CCDC124: variants seen among roughly 807,000 people sequenced by gnomAD.
The protein encoded by CCDC124 is coiled-coil domain-containing protein 124.
CCDC124 carries 9 observed loss-of-function variants against 19.8 expected under a neutral mutation model. The observed-to-expected ratio is 0.45, with a 90% CI of 0.27 to 0.79. The LOEUF (loss-of-function observed/expected upper bound fraction) is 0.79. Ranked by LOEUF, CCDC124 falls within the 30% of genes least tolerant of loss-of-function variation. The pLI is 0.14. For synonymous variants in CCDC124, 126 were observed against 131.3 expected, an observed-to-expected ratio of 0.96 and a Z score of 0.27; for missense variants, 285 against 319.0, an observed-to-expected ratio of 0.89 and a Z score of 0.81.
At chr19:17,940,913 G>A (rs989830829) in intron 2 of CCDC124, among the ~76,000 whole-genome samples, 2 of 151,956 alleles carry the variant, frequency 1.3e-5, no homozygotes, top group Admixed American at 6.6e-5. Context: ...CGGGCATGGT[G>A]GCAGGCACCT....
intron 1 of CCDC124, among the ~76,000 whole-genome samples, 193 bp downstream of exon 1, chr19:17,933,241 C>G (rs569962679): frequency 3.3e-5 from 5 of 152,150 alleles, no homozygotes; most frequent in Non-Finnish European, 5.9e-5. Flanking sequence ...GATTGAAGCC[C>G]GACGCGACAG....
In CCDC124 at chr19:17,942,567, G is replaced by T; in HGVS notation, c.160-89G>T. 1 of 1,420,436 alleles carries T rather than the reference G, an allele frequency of 7.0e-7. No homozygotes were observed. Among genetic ancestry groups the T allele is most frequent in the Non-Finnish European group, 9.6e-7 (1 of 1,043,138 alleles). The allele number at this position is 1,420,436 out of a possible 1,614,324, so 88.0% of individuals were successfully genotyped here. On this transcript the variant is annotated intron_variant, in intron 2 of 4. Transcript: ENST00000445755. The surrounding 1 kb of genome is among the most constrained non-coding windows in gnomAD (Gnocchi z 4.2). The stretch of plus-strand genomic sequence containing the variant: ...CACCCAGCACAGAGCCTAAATCCTC[G>T]TTGGCTGAGATGAAAACTCGAACCC...
Position 17,943,241 on chromosome 19 carries a change from T to TCTGCC in CCDC124, c.350-19_350-18insTGCCC. 2 of 736,666 alleles carry TCTGCC rather than the reference T, an allele frequency of 2.7e-6. No individual in the cohort carries two copies. The highest frequency in any genetic ancestry group is 4.8e-6 in the Non-Finnish European group (2 of 414,966). The allele number at this position is 736,666 out of a possible 1,614,324, so 45.6% of individuals were successfully genotyped here. A position where few individuals can be genotyped will look rare whatever the true frequency, so the allele number is the denominator to read the frequency against. ...CTTTGCTTATCTCTCTCTGTCTCTG[T>TCTGCC]CACCCACCCACCCGCCCAGCCGAGA... On this transcript the variant is annotated intron_variant, in intron 3 of 4. Transcript: ENST00000445755.
rs1436279672 is a variant in CCDC124 at position 17,936,511 on chromosome 19, C to T, written c.91C>T (p.Gln31Ter). 1 of 1,613,498 alleles carries T rather than the reference C, an allele frequency of 6.2e-7. No individual in the cohort carries two copies. Among genetic ancestry groups the T allele is most frequent in the South Asian group, 1.1e-5 (1 of 90,980 alleles). The change falls in exon 2 of 5, where the codon CAG becomes TAG. Residue 31 changes from glutamine to a stop codon, truncating the protein, a stop_gained. Coordinates refer to ENST00000445755, the MANE Select transcript of CCDC124 (RefSeq NM_001136203.2). LOFTEE classifies it high-confidence loss of function. The part of the protein sequence containing the change: ...EAKAAADAKK[Q>*]KELEDAYWKD... ...CAAGGCGGCCGCTGATGCCAAGAAG[C>T]AGAAGGAGCTGGAGGATGCCTACTG...
chr19:17,942,640 C>T lies in CCDC124; in HGVS notation c.160-16C>T. ...GTGTGGGGTCTTCTGCCTGACCATG[C>T]ACGCCGCCCCCGCAGGAGGAGAAGG... On this transcript the variant is annotated splice_polypyrimidine_tract_variant and intron_variant, in intron 2 of 4. Transcript: ENST00000445755. The surrounding 1 kb of genome is among the most constrained non-coding windows in gnomAD (Gnocchi z 4.2). 1.9e-6 allele frequency: 3 copies of T among 1,551,582 alleles called. No individual in the cohort carries two copies. The highest frequency in any genetic ancestry group is 2.6e-6 in the Non-Finnish European group (3 of 1,147,788).
chr19:17,936,193 C>T (rs1466104212), intron 1 of CCDC124: 4 of 460,822 alleles, frequency 8.7e-6, no homozygotes, highest in Non-Finnish European at 1.5e-5. Flanking sequence ...GTGTGAGCCA[C>T]CAGACCTGGC....
rs756588390 is a variant in CCDC124 at position 17,942,727 on chromosome 19, G to A, written c.231G>A (p.Glu77=). 1 of 1,551,716 alleles carries A rather than the reference G, an allele frequency of 6.4e-7. No homozygotes were observed. Among genetic ancestry groups the A allele is most frequent in the South Asian group, 1.2e-5 (1 of 84,150 alleles). ...AGACGCAGCGCCTACTGGAGGAGGA[G>A]GACTCCAAGCTCAAGGGCGGCAAGG... is the stretch of plus-strand genomic sequence containing the variant. ...KKETQRLLEE[E]DSKLKGGKAP... Residue 77 remains glutamate, a synonymous_variant, in exon 3 of 5, where the codon GAG becomes GAA. Transcript: ENST00000445755. This position sits in a 1 kb window ranked among gnomAD's most constrained non-coding sequence, Gnocchi z 4.2.
At chr19:17,938,748 C>T (rs2031114509) in intron 2 of CCDC124, among the ~76,000 whole-genome samples, 1 of 152,104 alleles carries the variant, frequency 6.6e-6, no homozygotes, top group Non-Finnish European at 1.5e-5. Context: ...TGCACCACCA[C>T]GCCCAGCTAT....
rs1022963283 is a variant in CCDC124 at position 17,942,325 on chromosome 19, C to A, written c.160-331C>A. 4.6e-5 allele frequency among the ~76,000 whole-genome samples: 7 copies of A among 152,144 alleles called. No individual in the cohort carries two copies. The highest frequency in any genetic ancestry group is 1.0e-4 in the Non-Finnish European group (7 of 68,012). Reference sequence around the variant, plus strand: ...TCCAGCCTCCAAGCTGTTCCTGTTACAACAAATGGCTCCTGCCTCGGCGCC... The same window carrying A: ...TCCAGCCTCCAAGCTGTTCCTGTTAAAACAAATGGCTCCTGCCTCGGCGCC... On this transcript the variant is annotated intron_variant, in intron 2 of 4. Transcript: ENST00000445755. The surrounding 1 kb of genome is among the most constrained non-coding windows in gnomAD (Gnocchi z 4.2).
intron 2 of CCDC124, among the ~76,000 whole-genome samples, chr19:17,939,427 G>A (rs759149703): frequency 6.6e-5 from 10 of 151,956 alleles, no homozygotes; most frequent in Non-Finnish European, 1.2e-4. Context: ...AAAAGATCCA[G>A]TATCCAGACA....
chr19:17,933,196 C>T (rs1031037086), intron 1 of CCDC124, 148 bp downstream of exon 1: 1 of 152,388 alleles, frequency 6.6e-6, no homozygotes, highest in Non-Finnish European at 1.5e-5. Context: ...CTGAACCGCA[C>T]CTAGTTGGGG....
rs1235621157 is a variant in CCDC124, at chr19:17,942,391, C to G, written c.160-265C>G. On this transcript the variant is annotated intron_variant, in intron 2 of 4. Coordinates refer to ENST00000445755, the MANE Select transcript of CCDC124 (RefSeq NM_001136203.2). This position sits in a 1 kb window ranked among gnomAD's most constrained non-coding sequence, Gnocchi z 4.2. Reference sequence around the variant, plus strand: ...CTGCTGCTAAGGACGCTCCTGTTCCCCAGCTCTCCCCCTTGGCCGGCGCTC... The same window carrying G: ...CTGCTGCTAAGGACGCTCCTGTTCCGCAGCTCTCCCCCTTGGCCGGCGCTC... Among the ~76,000 whole-genome samples the G allele has an allele frequency of 6.6e-6, 1 of 152,214 alleles. No homozygotes were observed. Among genetic ancestry groups the G allele is most frequent in the East Asian group, 1.9e-4 (1 of 5,196 alleles).
At position 17,942,808 on chromosome 19, in the gene CCDC124, G is replaced by A. The variant is rs2147781972; in HGVS notation, c.312G>A (p.Leu104=). 6.5e-7 allele frequency: 1 copy of A among 1,538,168 alleles called. No individual in the cohort carries two copies. The highest frequency in any genetic ancestry group is 1.4e-5 in the African/African-American group (1 of 72,734). ...KVTRAQIEDT[L]RRDHQLREAP... ...CCCGGGCCCAGATCGAGGACACGCT[G>A]CGCCGAGACCATCAGCTCAGGGAGG... Residue 104 remains leucine, a synonymous_variant, in exon 3 of 5, where the codon CTG becomes CTA. Transcript: ENST00000445755. The surrounding 1 kb of genome is among the most constrained non-coding windows in gnomAD (Gnocchi z 4.2).
Position 17,942,695 on chromosome 19 carries a change from A to G in CCDC124, c.199A>G (p.Lys67Glu), listed in dbSNP as rs1361169949. 6.4e-7 allele frequency: 1 copy of G among 1,556,080 alleles called. No individual in the cohort carries two copies. Among genetic ancestry groups the G allele is most frequent in the South Asian group, 1.2e-5 (1 of 84,502 alleles). Residue 67 changes from lysine (K) to glutamate (E), a missense_variant, in exon 3 of 5, where the codon AAG (lysine) becomes GAG (glutamate). Transcript: ENST00000445755. This position sits in a 1 kb window ranked among gnomAD's most constrained non-coding sequence, Gnocchi z 4.2. Reference sequence around the variant, plus strand: ...GCGGCGCCTCGACCAGCTGGAACGTAAGAAGGAGACGCAGCGCCTACTGGA... The same window carrying G: ...GCGGCGCCTCGACCAGCTGGAACGTGAGAAGGAGACGCAGCGCCTACTGGA... ...EKRRLDQLER[K>E]KETQRLLEEE...
At chr19:17,936,731 A>C in intron 2 of CCDC124, 152 bp downstream of exon 2, 2 of 971,170 alleles carry the variant, frequency 2.1e-6, no homozygotes, top group Non-Finnish European at 3.0e-6. Flanking sequence ...CTGTCATCCC[A>C]GTACTTTGGG....
intron 2 of CCDC124, among the ~76,000 whole-genome samples, chr19:17,939,686 G>A (rs926788784): frequency 2.6e-5 from 4 of 151,598 alleles, no homozygotes; most frequent in African/African-American, 4.8e-5. Flanking sequence ...GCAGTGGCGC[G>A]ACCTCGGCTC....
Position 17,943,729 on chromosome 19 carries a change from G to A in CCDC124, c.*14G>A, listed in dbSNP as rs1227022896. On this transcript the variant is annotated 3_prime_UTR_variant, in exon 5 of 5. Coordinates refer to ENST00000445755, the MANE Select transcript of CCDC124 (RefSeq NM_001136203.2). Reference sequence around the variant, plus strand: ...GCCCCCAAGTGAGCCCAGAACTTGGGGAGCCAGTTCACCCACGGGTGGTCC... The same window carrying A: ...GCCCCCAAGTGAGCCCAGAACTTGGAGAGCCAGTTCACCCACGGGTGGTCC... 2.5e-6 allele frequency: 4 copies of A among 1,610,358 alleles called. No individual in the cohort carries two copies. Among genetic ancestry groups the A allele is most frequent in the South Asian group, 2.2e-5 (2 of 90,776 alleles).
chr19:17,937,725 GTTTA>G (rs796558367), intron 2 of CCDC124, among the ~76,000 whole-genome samples: 45 of 152,076 alleles, frequency 3.0e-4, no homozygotes, highest in African/African-American at 1.1e-3. Flanking sequence ...TCTTCTAGGT[GTTTA>G]TTTTATTTTT....
In CCDC124 at chr19:17,943,495, T is replaced by G; in HGVS notation, c.465-13T>G. 2 of 1,608,468 alleles carry G rather than the reference T, an allele frequency of 1.2e-6. No individual in the cohort carries two copies. The highest frequency in any genetic ancestry group is 1.7e-5 in the Admixed American group (1 of 59,910). ...TGCGCCCAAGGCCCCCTGACGCTCA[T>G]GTCCACCCCCAGCGTGGCGGAGGAG... On this transcript the variant is annotated splice_polypyrimidine_tract_variant and intron_variant, in intron 4 of 4. Transcript: ENST00000445755.
Sources: gnomAD v4.1 joint callset for allele counts (sites outside exome capture counted in the v4.1 genomes callset) on GRCh38, gnomAD v4.1.1 for gene constraint, Gnocchi (gnomAD v3.1) non-coding constraint, MANE v1.5 for transcripts, NCBI Gene and HGNC (gene_info 2026-07-23, HGNC 2026-07-21) for gene names.